Variants in ZPBP observed in about 807,000 individuals in gnomAD.
ZPBP encodes the protein zona pellucida binding protein.
In ZPBP, 26 loss-of-function variants were observed where a neutral mutation model predicts 44.8. That is an observed-to-expected ratio of 0.58 (90% confidence interval 0.43 to 0.81). The LOEUF (loss-of-function observed/expected upper bound fraction) is 0.81. Among genes scored for constraint, ZPBP ranks in the 30% least tolerant of loss-of-function variants. ZPBP has a pLI of 0.00. For synonymous variants in ZPBP, 174 were observed against 153.2 expected, an observed-to-expected ratio of 1.14 and a Z score of -1.00; for missense variants, 409 against 434.0, an observed-to-expected ratio of 0.94 and a Z score of 0.51.
chr7:50,001,411 T>C (rs549611614), intron 6 of ZPBP, among the ~76,000 whole-genome samples: 1 of 152,280 alleles, frequency 6.6e-6, no homozygotes, highest in South Asian at 2.1e-4. Flanking sequence ...CATCTTTTCC[T>C]TCTTCTTTGC....
At chr7:49,962,680 T>C (rs149718317) in intron 7 of ZPBP, among the ~76,000 whole-genome samples, 13 of 151,872 alleles carry the variant, frequency 8.6e-5, no homozygotes, top group South Asian at 2.1e-4. Context: ...AAGAAAAAAG[T>C]AAAATTGTCT....
chr7:50,065,264 A>G (rs1366557102), intron 3 of ZPBP, among the ~76,000 whole-genome samples: 1 of 139,792 alleles, frequency 7.2e-6, no homozygotes, highest in East Asian at 1.9e-4. Context: ...CCATTTAGCC[A>G]GCAGTTGCCA....
Position 50,031,300 on chromosome 7 carries a change from C to A in ZPBP, c.498G>T (p.Glu166Asp). 6.2e-7 allele frequency: 1 copy of A among 1,609,570 alleles called. No individual in the cohort carries two copies. Among genetic ancestry groups the A allele is most frequent in the South Asian group, 1.1e-5 (1 of 90,288 alleles). ...QLKYAIYAYREPHYYYQFTAR... is the reference protein window; with the variant it reads ...QLKYAIYAYRDPHYYYQFTAR... The stretch of plus-strand genomic sequence containing the variant: ...CTGTGAACTGATAATAATAATGAGG[C>A]TCACGATAAGCTGTAAAAAATTAAC... The change falls in exon 5 of 8, where the codon GAG becomes GAT. Residue 166 changes from glutamate to aspartate, a missense_variant. Glu to Asp is a conservative substitution (Grantham distance 45). This residue lies in a region of ZPBP where 367 missense variants were observed against 363.1 expected (regional missense o/e 1.01). Transcript: ENST00000046087.
At chr7:49,956,385 T>G (rs1795593397) in intron 7 of ZPBP, among the ~76,000 whole-genome samples, 1 of 152,064 alleles carries the variant, frequency 6.6e-6, no homozygotes, top group African/African-American at 2.4e-5. Context: ...ATGCCCTCAT[T>G]GAAAATTTCA....
At chr7:50,058,989 A>G (rs1436868595) in intron 3 of ZPBP, among the ~76,000 whole-genome samples, 1 of 152,208 alleles carries the variant, frequency 6.6e-6, no homozygotes, top group Non-Finnish European at 1.5e-5. Flanking sequence ...ATGATAGCCT[A>G]TCTCACAGGA....
intron 4 of ZPBP, among the ~76,000 whole-genome samples, chr7:50,035,994 C>T (rs998176531): frequency 6.6e-6 from 1 of 152,026 alleles, no homozygotes; most frequent in Non-Finnish European, 1.5e-5. Flanking sequence ...AAATAAATAA[C>T]TTAAGTGAAA....
At chr7:50,026,889 A>G (rs1202101482) in intron 5 of ZPBP, among the ~76,000 whole-genome samples, 4 of 152,014 alleles carry the variant, frequency 2.6e-5, no homozygotes, top group Non-Finnish European at 2.9e-5. Flanking sequence ...CTGAAAGGCA[A>G]CTGCAGACCT....
chr7:50,028,365 A>G lies in ZPBP; in HGVS notation c.706+2727T>C, dbSNP rs892084703. Among the ~76,000 whole-genome samples, 4 of 152,058 alleles carry G rather than the reference A, an allele frequency of 2.6e-5. No individual in the cohort carries two copies. In the East Asian group the frequency reaches 7.7e-4, roughly 29 times the overall value. ...CAAAGTCCTTTCATTATAAACCCAC[A>G]GCAAGTATCATACTCAACAGTGAAA... On this transcript the variant is annotated intron_variant, in intron 5 of 7. Coordinates refer to ENST00000046087, the MANE Select transcript of ZPBP (RefSeq NM_007009.3).
At chr7:49,900,513 A>T (rs1229339096) in intron 2 of ZPBP, among the ~76,000 whole-genome samples, 7 of 151,808 alleles carry the variant, frequency 4.6e-5, no homozygotes, top group South Asian at 2.1e-4. Context: ...GGATAATAAA[A>T]AAATACTACA....
chr7:49,969,545 A>G (rs2128768968), intron 7 of ZPBP, among the ~76,000 whole-genome samples: 1 of 150,360 alleles, frequency 6.7e-6, no homozygotes, highest in African/African-American at 2.4e-5. Context: ...AAATTATTCC[A>G]ATTCATGCAG....
chr7:49,929,569 T>C (rs1241078994), intron 1 of ZPBP, among the ~76,000 whole-genome samples: 2 of 152,236 alleles, frequency 1.3e-5, no homozygotes, highest in African/African-American at 4.8e-5. Context: ...GGTCTCACTG[T>C]ATCATGTCCA....
At chr7:50,063,898 T>C (rs535320760) in intron 3 of ZPBP, among the ~76,000 whole-genome samples, 2 of 152,374 alleles carry the variant, frequency 1.3e-5, no homozygotes, top group African/African-American at 4.8e-5. Context: ...TGCAACCTTA[T>C]GATGCAGTTG....
At position 49,865,937 on chromosome 7, in the gene ZPBP, G is replaced by A. The variant is rs539853770; in HGVS notation, n.510-15423C>T. Among the ~76,000 whole-genome samples the A allele has an allele frequency of 1.5e-4, 23 of 152,336 alleles. No homozygotes were observed. In the South Asian group the frequency reaches 4.8e-3, roughly 32 times the overall value. ...CTTACAAGCCCATTTGTCCAGTTGA[G>A]AAAGTCTACTCGGCACCATCTTAAA... On this transcript the variant is annotated intron_variant and non_coding_transcript_variant, in intron 2 of 2. Transcript: ENST00000465922.
chr7:49,981,364 TAA>T (rs1261518388), intron 7 of ZPBP, among the ~76,000 whole-genome samples: 56 of 19,378 alleles, frequency 2.9e-3, no homozygotes, highest in African/African-American at 0.013. Context: ...ATATTATATA[TAA>T]TTATATATAT....
At chr7:50,034,005 A>G (rs1165643820) in intron 4 of ZPBP, among the ~76,000 whole-genome samples, 2 of 152,064 alleles carry the variant, frequency 1.3e-5, no homozygotes, top group African/African-American at 4.8e-5. Flanking sequence ...GCTACAGTTT[A>G]TATAACTAAT....
the ZPBP span, among the ~76,000 whole-genome samples, chr7:49,843,132 T>C: frequency 6.6e-6 from 1 of 152,080 alleles, no homozygotes; most frequent in African/African-American, 2.4e-5. Context: ...AAGTACCCAA[T>C]GTTTAGCTCC....
chr7:49,996,961 C>T (rs547626097), intron 6 of ZPBP, among the ~76,000 whole-genome samples: 15 of 152,304 alleles, frequency 9.8e-5, no homozygotes, highest in African/African-American at 1.2e-4. Context: ...CAATTACTTC[C>T]GTTGCATTTA....
At chr7:49,962,145 T>C (rs1259775340) in intron 7 of ZPBP, among the ~76,000 whole-genome samples, 5 of 151,934 alleles carry the variant, frequency 3.3e-5, no homozygotes, top group African/African-American at 1.2e-4. Flanking sequence ...CTGCAACTCA[T>C]TTCTGAAACA....
intron 7 of ZPBP, among the ~76,000 whole-genome samples, chr7:49,956,031 A>T (rs1045454540): frequency 6.6e-6 from 1 of 152,170 alleles, no homozygotes; most frequent in African/African-American, 2.4e-5. Flanking sequence ...ATATCCAGCC[A>T]TCCTATTGAT....
Sources: gnomAD v4.1 joint callset for allele counts (sites outside exome capture counted in the v4.1 genomes callset) on GRCh38, gnomAD v4.1.1 for gene constraint, gnomAD v4.1.1 regional missense constraint, MANE v1.5 for transcripts, NCBI Gene and HGNC (gene_info 2026-07-23, HGNC 2026-07-21) for gene names.